Variants in SLC6A5 observed in about 807,000 individuals in gnomAD.
SLC6A5 encodes the protein sodium- and chloride-dependent glycine transporter 2.
A neutral mutation model predicts 90.5 loss-of-function variants in SLC6A5; 58 were observed. The ratio of observed to expected loss-of-function variants is 0.64; its 90% CI spans 0.52 to 0.80. The LOEUF (loss-of-function observed/expected upper bound fraction) is 0.80. SLC6A5 is among the 30% of genes least tolerant of loss of function. SLC6A5 has a pLI of 0.00. For missense variants in SLC6A5, 1,015 were observed against 1,017.6 expected (o/e 1.00, Z 0.03); for synonymous variants, 427 against 401.4 (o/e 1.06, Z -0.76).
intron 10 of SLC6A5, among the ~76,000 whole-genome samples, chr11:20,635,963 T>C (rs549974334): frequency 2.6e-5 from 4 of 152,316 alleles, no homozygotes; most frequent in East Asian, 3.9e-4. Flanking sequence ...GGCTAATTAA[T>C]TACATTTTCC....
rs775401118 is a variant in SLC6A5, at chr11:20,628,093, G to A, written c.1499+10G>A. The A allele has an allele frequency of 4.4e-6, 7 of 1,598,892 alleles. No individual in the cohort carries two copies. The highest frequency in any genetic ancestry group is 6.0e-6 in the Non-Finnish European group (7 of 1,166,280). ...ACAACAACTGCTACAGGTATGTAGA[G>A]GTACTACAAGATCTGGGCATAGCTG... On this transcript the variant is annotated intron_variant, in intron 9 of 15. Coordinates refer to ENST00000525748, the MANE Select transcript of SLC6A5 (RefSeq NM_004211.5).
At position 20,614,786 on chromosome 11, in the gene SLC6A5, A is replaced by G. The variant is rs758953823; in HGVS notation, c.1093A>G (p.Lys365Glu). Residue 365 changes from lysine (K) to glutamate (E), a missense_variant, in exon 6 of 16, where the codon AAG becomes GAG. Physicochemically the swap from Lys to Glu is moderately conservative, Grantham distance 56. This residue lies in a region of SLC6A5 where 567 missense variants were observed against 507.3 expected (regional missense o/e 1.12). Coordinates refer to ENST00000525748, the MANE Select transcript of SLC6A5 (RefSeq NM_004211.5). The stretch of plus-strand genomic sequence containing the variant: ...GGTTAATTTCACCAGCCAGGCCAAT[A>G]AGACATTTGTCAGTGGAAGTGAAGA... ...TMVNFTSQAN[K>E]TFVSGSEEYF... is the part of the protein sequence containing the mutation. The G allele has an allele frequency of 4.0e-5, 64 of 1,613,908 alleles. No individual in the cohort carries two copies. The highest frequency in any genetic ancestry group is 5.3e-5 in the Non-Finnish European group (62 of 1,179,850).
At chr11:20,621,792 A>G (rs1318844708) in intron 7 of SLC6A5, among the ~76,000 whole-genome samples, 3 of 152,232 alleles carry the variant, frequency 2.0e-5, no homozygotes, top group Non-Finnish European at 4.4e-5. Context: ...TTAGGGCCTC[A>G]GGAGACAGGA....
intron 13 of SLC6A5, 31 bp downstream of exon 13, chr11:20,638,589 T>G (rs1853255300): frequency 7.4e-7 from 1 of 1,348,454 alleles, no homozygotes; most frequent in African/African-American, 1.4e-5. Flanking sequence ...GTTGCTGAAG[T>G]AGAGCTTGAG....
At chr11:20,603,952 C>T (rs1458336634) in intron 2 of SLC6A5, among the ~76,000 whole-genome samples, 1 of 151,730 alleles carries the variant, frequency 6.6e-6, no homozygotes, top group Admixed American at 6.6e-5. Context: ...CTTGCAATCA[C>T]CTTACAGGTT....
chr11:20,610,841 C>T (rs1852680331), intron 5 of SLC6A5, among the ~76,000 whole-genome samples: 1 of 152,118 alleles, frequency 6.6e-6, no homozygotes, highest in Non-Finnish European at 1.5e-5. Context: ...TGGGTGGGCT[C>T]CTGGCATTTA....
chr11:20,628,279 T>C (rs1853041090), intron 9 of SLC6A5, among the ~76,000 whole-genome samples, 196 bp downstream of exon 9: 1 of 152,234 alleles, frequency 6.6e-6, no homozygotes, highest in Non-Finnish European at 1.5e-5. Flanking sequence ...CTTACACACC[T>C]GGCTCTGACA....
intron 7 of SLC6A5, 75 bp downstream of exon 7, chr11:20,617,959 C>T (rs1852815841): frequency 2.1e-6 from 3 of 1,449,534 alleles, no homozygotes; most frequent in African/African-American, 2.8e-5. Flanking sequence ...AGGCAGAGCA[C>T]TGGAAAGAGA....
chr11:20,626,870 G>T (rs1420917658), intron 8 of SLC6A5, 28 bp downstream of exon 8: 1 of 1,610,374 alleles, frequency 6.2e-7, no homozygotes, highest in Non-Finnish European at 8.5e-7. Context: ...TCTATAACCA[G>T]CCCTGGGGGA....
intron 13 of SLC6A5, among the ~76,000 whole-genome samples, chr11:20,644,569 A>G (rs1565288219): frequency 6.6e-6 from 1 of 152,242 alleles, no homozygotes; most frequent in Non-Finnish European, 1.5e-5. Context: ...CATCCTTTGG[A>G]TATACACCCA....
chr11:20,635,397 C>A (rs975646541), intron 10 of SLC6A5, among the ~76,000 whole-genome samples: 1 of 139,260 alleles, frequency 7.2e-6, no homozygotes, highest in Non-Finnish European at 1.6e-5. Context: ...ATGTTTCATG[C>A]GCCGCCCCCC....
intron 7 of SLC6A5, among the ~76,000 whole-genome samples, chr11:20,624,095 A>G (rs975592653): frequency 1.3e-4 from 19 of 148,110 alleles, no homozygotes; most frequent in African/African-American, 2.0e-4. Flanking sequence ...TATATATATA[A>G]GTATGTATAT....
intron 5 of SLC6A5, among the ~76,000 whole-genome samples, chr11:20,612,014 T>C (rs1196442795): frequency 6.6e-6 from 1 of 152,212 alleles, no homozygotes; most frequent in African/African-American, 2.4e-5. Flanking sequence ...TGTTGGGCAA[T>C]GGACCTATTG....
intron 1 of SLC6A5, among the ~76,000 whole-genome samples, chr11:20,600,294 A>T (rs1411001297): frequency 6.7e-6 from 1 of 150,156 alleles, no homozygotes; most frequent in Admixed American, 6.7e-5. Flanking sequence ...GTTGTGAAGG[A>T]TATTAGACTC....
intron 2 of SLC6A5, among the ~76,000 whole-genome samples, chr11:20,603,593 C>A (rs550822039): frequency 6.6e-6 from 1 of 152,292 alleles, no homozygotes; most frequent in South Asian, 2.1e-4. Flanking sequence ...CCATATCAAC[C>A]TTTTTTGTTT....
At chr11:20,649,215 T>C (rs1455840030) in intron 14 of SLC6A5, among the ~76,000 whole-genome samples, 1 of 152,208 alleles carries the variant, frequency 6.6e-6, no homozygotes, top group Non-Finnish European at 1.5e-5. Flanking sequence ...ATAAATCTTA[T>C]GCCAGAAAGT....
At chr11:20,636,473 T>A in intron 11 of SLC6A5, 54 bp downstream of exon 11, 1 of 1,130,008 alleles carries the variant, frequency 8.8e-7, no homozygotes, top group South Asian at 1.2e-5. Context: ...AGACTCCCCC[T>A]CTCCTGGGTC....
Position 20,628,772 on chromosome 11 carries a change from A to G in SLC6A5, c.1499+689A>G, listed in dbSNP as rs552332443. Among the ~76,000 whole-genome samples the G allele has an allele frequency of 7.9e-5, 12 of 152,336 alleles. No individual in the cohort carries two copies. In the South Asian group the frequency reaches 2.5e-3, roughly 32 times the overall value. On this transcript the variant is annotated intron_variant, in intron 9 of 15. Coordinates refer to ENST00000525748, the MANE Select transcript of SLC6A5 (RefSeq NM_004211.5). ...GTGAAGCATTGCTATCTTCTTTATT[A>G]GAAATGAGGCTGTGGTGTGGCAGAA...
chr11:20,655,052 T>C lies in SLC6A5; in HGVS notation c.*184T>C, dbSNP rs761595799. 1.7e-5 allele frequency: 12 copies of C among 689,350 alleles called. No individual in the cohort carries two copies. The highest frequency in any genetic ancestry group is 2.6e-5 in the Non-Finnish European group (10 of 387,624). The allele number at this position is 689,350 out of a possible 1,614,324, so 42.7% of individuals were successfully genotyped here. On this transcript the variant is annotated 3_prime_UTR_variant, in exon 16 of 16. Coordinates refer to ENST00000525748, the MANE Select transcript of SLC6A5 (RefSeq NM_004211.5). ...TCGCATGCTGCAGTAAAGAGCTACA[T>C]AGACCACCTGAAGCGCTGTTTGCCT...
Sources: gnomAD v4.1 joint callset for allele counts (sites outside exome capture counted in the v4.1 genomes callset) on GRCh38, gnomAD v4.1.1 for gene constraint, gnomAD v4.1.1 regional missense constraint, MANE v1.5 for transcripts, NCBI Gene and HGNC (gene_info 2026-07-23, HGNC 2026-07-21) for gene names.